The following BCAS3 variants were observed in gnomAD, a reference collection of about 807,000 sequenced individuals.
BCAS3 encodes BCAS4/BCAS3 fusion.
A neutral mutation model predicts 116.1 loss-of-function variants in BCAS3; 53 were observed. The ratio of observed to expected loss-of-function variants is 0.46; its 90% CI spans 0.37 to 0.57. BCAS3 has a LOEUF of 0.57. Among genes scored for constraint, BCAS3 ranks in the 20% least tolerant of loss-of-function variants. The pLI is 0.00. For synonymous variants in BCAS3, 391 were observed against 408.2 expected, an observed-to-expected ratio of 0.96 and a Z score of 0.51; for missense variants, 917 against 1,165.4, an observed-to-expected ratio of 0.79 and a Z score of 3.10.
rs1181506477 is a variant in BCAS3, at chr17:61,004,860, A to G, written c.1487-10891A>G. Reference sequence around the variant, plus strand: ...TTGTTGTTGGCTTCAGAAGAAATAGAGCATTCCATTTTCTGTGTTAAGAGC... The same window carrying G: ...TTGTTGTTGGCTTCAGAAGAAATAGGGCATTCCATTTTCTGTGTTAAGAGC... On this transcript the variant is annotated intron_variant, in intron 15 of 23. Coordinates refer to ENST00000407086, the MANE Select transcript of BCAS3 (RefSeq NM_017679.5). The surrounding 1 kb of genome is among the most constrained non-coding windows in gnomAD (Gnocchi z 4.8). Among the ~76,000 whole-genome samples, 3 of 152,158 alleles carry G rather than the reference A, an allele frequency of 2.0e-5. No individual in the cohort carries two copies. The highest frequency in any genetic ancestry group is 4.4e-5 in the Non-Finnish European group (3 of 68,014).
At chr17:60,974,972 TG>T (rs1455317681) in intron 14 of BCAS3, among the ~76,000 whole-genome samples, 18 of 139,930 alleles carry the variant, frequency 1.3e-4, no homozygotes, top group African/African-American at 5.7e-4. Context: ...TCAAGCCATT[TG>T]TTTTTTTTGT....
chr17:61,050,025 G>T (rs531562696), intron 19 of BCAS3, among the ~76,000 whole-genome samples: 2 of 151,894 alleles, frequency 1.3e-5, no homozygotes, highest in African/African-American at 4.8e-5. Flanking sequence ...GAGCCACTGC[G>T]CCCAGCCAGC....
chr17:61,003,333 G>A (rs985853704), intron 15 of BCAS3, among the ~76,000 whole-genome samples: 8 of 148,496 alleles, frequency 5.4e-5, no homozygotes, highest in Admixed American at 2.0e-4. Context: ...TTAAGAGATC[G>A]TTATAAATTT....
At chr17:60,782,194 A>G (rs779279542) in intron 6 of BCAS3, among the ~76,000 whole-genome samples, 44 of 152,246 alleles carry the variant, frequency 2.9e-4, no homozygotes, top group Non-Finnish European at 4.1e-4. Context: ...TCTTTCAAAT[A>G]GCTTGCAGCA....
chr17:60,757,346 A>G (rs2043097257), intron 6 of BCAS3, among the ~76,000 whole-genome samples: 1 of 150,386 alleles, frequency 6.6e-6, no homozygotes, highest in Non-Finnish European at 1.5e-5. Context: ...AAATAAATAA[A>G]TAAATAAATA....
At chr17:60,681,022 C>T (rs1284075571) in intron 2 of BCAS3, among the ~76,000 whole-genome samples, 3 of 152,094 alleles carry the variant, frequency 2.0e-5, no homozygotes, top group African/African-American at 7.2e-5. Flanking sequence ...TGAACAACAT[C>T]CTGAGACCCT....
In BCAS3 at chr17:61,208,879, A is replaced by C. The variant is rs1418127864; in HGVS notation, c.2425+124315A>C. Among the ~76,000 whole-genome samples the C allele has an allele frequency of 4.9e-4, 2 of 4,094 alleles. No individual in the cohort carries two copies. The highest frequency in any genetic ancestry group is 2.6e-3 in the Non-Finnish European group (1 of 386). 2.7% of individuals were successfully genotyped at this position (4,094 alleles called of 152,430 possible). On this transcript the variant is annotated intron_variant, in intron 22 of 23. Coordinates refer to ENST00000407086, the MANE Select transcript of BCAS3 (RefSeq NM_017679.5). This position sits in a 1 kb window ranked among gnomAD's most constrained non-coding sequence, Gnocchi z 4.5. ...GCTAAGAGAAAAGTGCTAAAAAGGAAAAAAAAAAAAAAAGGAGGGCCTGTA... is the reference window on the plus strand; with the variant it reads ...GCTAAGAGAAAAGTGCTAAAAAGGACAAAAAAAAAAAAAGGAGGGCCTGTA...
In BCAS3 at chr17:61,032,650, A is replaced by AGG. The variant is rs1568170492; in HGVS notation, c.1638-2016_1638-2015insGG. ...ATATTTGTTCAGGTATAGGGCAGAG[A>AGG]AGAGTCTTCCTTTCTGGAGGTATGT... On this transcript the variant is annotated intron_variant, in intron 16 of 23. Coordinates refer to ENST00000407086, the MANE Select transcript of BCAS3 (RefSeq NM_017679.5). This position sits in a 1 kb window ranked among gnomAD's most constrained non-coding sequence, Gnocchi z 4.6. Among the ~76,000 whole-genome samples, 1 of 152,144 alleles carries AGG rather than the reference A, an allele frequency of 6.6e-6. No individual in the cohort carries two copies. The highest frequency in any genetic ancestry group is 1.5e-5 in the Non-Finnish European group (1 of 68,016).
At chr17:60,680,392 T>A (rs1444498338) in intron 2 of BCAS3, among the ~76,000 whole-genome samples, 1 of 152,036 alleles carries the variant, frequency 6.6e-6, no homozygotes, top group Non-Finnish European at 1.5e-5. Context: ...TTAAGCATAG[T>A]CCCCATTAGT....
At chr17:60,984,940 A>G (rs112586742) in intron 14 of BCAS3, among the ~76,000 whole-genome samples, 22,196 of 147,426 alleles carry the variant, frequency 0.15, 5,386 homozygotes, top group African/African-American at 0.51. Flanking sequence ...AACCCAGGAG[A>G]CAGAGGTTGC....
chr17:60,716,780 T>A (rs2038663341), intron 5 of BCAS3, among the ~76,000 whole-genome samples: 1 of 152,076 alleles, frequency 6.6e-6, no homozygotes, highest in South Asian at 2.1e-4. Context: ...GAGAGATCAA[T>A]AAAAGTAAGG....
chr17:60,842,550 C>T (rs1247107166), intron 7 of BCAS3, among the ~76,000 whole-genome samples: 1 of 151,928 alleles, frequency 6.6e-6, no homozygotes, highest in Non-Finnish European at 1.5e-5. Flanking sequence ...AGTTCCATGT[C>T]CTTTTCTTTT....
At chr17:60,826,024 A>C (rs553279389) in intron 7 of BCAS3, among the ~76,000 whole-genome samples, 1 of 150,080 alleles carries the variant, frequency 6.7e-6, no homozygotes, top group South Asian at 2.1e-4. Context: ...TGCCTGGCTA[A>C]TTTTTTTTTG....
At chr17:61,384,248 A>G (rs896565892) in intron 23 of BCAS3, among the ~76,000 whole-genome samples, 13 of 152,358 alleles carry the variant, frequency 8.5e-5, no homozygotes, top group Non-Finnish European at 1.5e-4. Flanking sequence ...GGCATGGAGT[A>G]GCTGGAGCTA....
In BCAS3 at chr17:60,679,555, G is replaced by A; in HGVS notation, c.83+15G>A. On this transcript the variant is annotated intron_variant, in intron 2 of 23. Transcript: ENST00000407086. The stretch of plus-strand genomic sequence containing the variant: ...CAGGCTGTCACGTAAGCACATTTCA[G>A]ATAAACCCAATAGCTGAAGAAAAGA... 5 of 1,588,164 alleles carry A rather than the reference G, an allele frequency of 3.1e-6. No homozygotes were observed. Among genetic ancestry groups the A allele is most frequent in the Non-Finnish European group, 2.6e-6 (3 of 1,157,824 alleles).
chr17:61,278,721 A>C lies in BCAS3; in HGVS notation c.2426-89606A>C, dbSNP rs1237908819. Among the ~76,000 whole-genome samples, 1 of 152,188 alleles carries C rather than the reference A, an allele frequency of 6.6e-6. No individual in the cohort carries two copies. The highest frequency in any genetic ancestry group is 1.5e-5 in the Non-Finnish European group (1 of 68,030). ...CAGCCTTGAAAATATTTGTGACTGG[A>C]AGAACCAGCCAGTATGGTTCCACTT... On this transcript the variant is annotated intron_variant, in intron 22 of 23. Coordinates refer to ENST00000407086, the MANE Select transcript of BCAS3 (RefSeq NM_017679.5). This position sits in a 1 kb window ranked among gnomAD's most constrained non-coding sequence, Gnocchi z 5.8.
intron 7 of BCAS3, among the ~76,000 whole-genome samples, chr17:60,850,669 C>T (rs1301318905): frequency 6.6e-6 from 1 of 151,970 alleles, no homozygotes; most frequent in Non-Finnish European, 1.5e-5. Flanking sequence ...AATTTTAGAC[C>T]TTTTCTGACA....
rs112823227 is a variant in BCAS3, at chr17:61,256,595, C to T, written c.2426-111732C>T. On this transcript the variant is annotated intron_variant, in intron 22 of 23. Transcript: ENST00000407086. The surrounding 1 kb of genome is among the most constrained non-coding windows in gnomAD (Gnocchi z 5.6). ...CTGGGATTACAGGCGTGAGCCACCG[C>T]GCCTGGCCGTTTGGTTTTGTTTAGG... 0.15 allele frequency among the ~76,000 whole-genome samples: 23,015 copies of T among 152,184 alleles called. 1,951 individuals are homozygous for T. The highest frequency in any genetic ancestry group is 0.19 in the Middle Eastern group (57 of 294).
chr17:60,915,359 G>T (rs2145120665), intron 12 of BCAS3, among the ~76,000 whole-genome samples: 1 of 152,216 alleles, frequency 6.6e-6, no homozygotes, highest in South Asian at 2.1e-4. Context: ...ATTCATTGGT[G>T]TGTTTATGTG....
Sources: allele counts gnomAD v4.1 joint callset (sites outside exome capture counted in the v4.1 genomes callset), GRCh38; gene constraint gnomAD v4.1.1; non-coding constraint Gnocchi (gnomAD v3.1); transcripts MANE v1.5; gene names NCBI Gene and HGNC (gene_info 2026-07-23, HGNC 2026-07-21).